The following NSD3 variants were observed in gnomAD, a reference collection of about 807,000 sequenced individuals.
NSD3 encodes the protein nuclear receptor binding SET domain protein 3, also known as histone-lysine N-methyltransferase NSD3.
NSD3 carries 24 observed loss-of-function variants against 160.8 expected under a neutral mutation model. The ratio of observed to expected loss-of-function variants is 0.15; its 90% CI spans 0.11 to 0.21. The LOEUF is 0.21. Among genes scored for constraint, NSD3 ranks in the 10% least tolerant of loss-of-function variants. NSD3 has a pLI of 1.00. For synonymous variants in NSD3, 520 were observed against 600.0 expected, an observed-to-expected ratio of 0.87 and a Z score of 1.95; for missense variants, 1,157 against 1,735.9, an observed-to-expected ratio of 0.67 and a Z score of 5.93.
At chr8:38,303,505 A>C (rs778157777) in intron 14 of NSD3, 14 of 508,740 alleles carry the variant, frequency 2.8e-5, no homozygotes, top group Non-Finnish European at 3.5e-5. Flanking sequence ...CCTGCTAGCT[A>C]CTCCACAAAG....
intron 12 of NSD3, among the ~76,000 whole-genome samples, chr8:38,313,988 A>G (rs1321921664): frequency 1.4e-5 from 2 of 143,732 alleles, no homozygotes. Context: ...CTCATAGCTA[A>G]AACAAAGCAA....
chr8:38,310,704 G>T (rs1444527600), intron 12 of NSD3, among the ~76,000 whole-genome samples: 3 of 151,176 alleles, frequency 2.0e-5, no homozygotes, highest in Middle Eastern at 3.4e-3. Context: ...TAGAAATGAG[G>T]TTTTACCATG....
At chr8:38,293,333 G>GCTGA in intron 16 of NSD3, among the ~76,000 whole-genome samples, 1 of 151,764 alleles carries the variant, frequency 6.6e-6, no homozygotes, top group East Asian at 2.0e-4. Flanking sequence ...CGGTGGATCA[G>GCTGA]GAAGTCAAGA....
intron 4 of NSD3, among the ~76,000 whole-genome samples, chr8:38,333,924 TTACTA>T (rs1012125427): frequency 6.6e-6 from 1 of 152,184 alleles, no homozygotes; most frequent in African/African-American, 2.4e-5. Context: ...AAACCAGTGA[TTACTA>T]TATATGATTA....
At chr8:38,320,938 C>T (rs1282051915) in intron 8 of NSD3, 134 bp downstream of exon 8, 1 of 738,204 alleles carries the variant, frequency 1.4e-6, no homozygotes, top group Non-Finnish European at 2.2e-6. Context: ...TGGAACCCAC[C>T]AGGACAGAAG....
At chr8:38,353,531 G>T (rs899000320) in intron 1 of NSD3, among the ~76,000 whole-genome samples, 1 of 152,194 alleles carries the variant, frequency 6.6e-6, no homozygotes, top group Non-Finnish European at 1.5e-5. Flanking sequence ...TCAGGCATAT[G>T]TATTCAGAGA....
chr8:38,278,129 G>A (rs529857774), intron 22 of NSD3, among the ~76,000 whole-genome samples, 177 bp downstream of exon 22: 8 of 151,980 alleles, frequency 5.3e-5, no homozygotes, highest in Non-Finnish European at 7.4e-5. Flanking sequence ...TAGTAGAGAT[G>A]GGGTTTCACC....
Position 38,354,567 on chromosome 8 carries a change from A to G in NSD3, c.-44-6352T>C, listed in dbSNP as rs1202841368. The stretch of plus-strand genomic sequence containing the variant: ...ATGCTGAAATATGTGATAAAGTGTC[A>G]TGGTATCTACAACTTTCAAATGGTT... On this transcript the variant is annotated intron_variant, in intron 1 of 23. Transcript: ENST00000317025. 2.6e-5 allele frequency among the ~76,000 whole-genome samples: 4 copies of G among 152,362 alleles called. No homozygotes were observed. The East Asian group carries it at 5.8e-4, about 22-fold the overall frequency.
intron 2 of NSD3, among the ~76,000 whole-genome samples, chr8:38,339,139 CAA>C (rs200100394): frequency 2.0e-5 from 2 of 98,376 alleles, no homozygotes; most frequent in African/African-American, 4.0e-5. Context: ...GACTCTGTCT[CAA>C]AAAAAAAAAA....
chr8:38,292,744 G>A (rs925926135), intron 16 of NSD3, among the ~76,000 whole-genome samples: 2 of 151,952 alleles, frequency 1.3e-5, no homozygotes, highest in African/African-American at 4.8e-5. Context: ...AGCCAAGATC[G>A]TGCCACTGTA....
intron 4 of NSD3, among the ~76,000 whole-genome samples, chr8:38,333,596 G>A (rs923569752): frequency 2.0e-5 from 3 of 152,162 alleles, no homozygotes; most frequent in Non-Finnish European, 2.9e-5. Flanking sequence ...GGCCGGGCGC[G>A]GTGGCTCACG....
Position 38,362,256 on chromosome 8 carries a change from CGGGGGGGGGG to C in NSD3, c.-44-14051_-44-14042del, listed in dbSNP as rs796989324. On this transcript the variant is annotated intron_variant, in intron 1 of 23. Transcript: ENST00000317025. ...AACAGAATAGAGTATTACAGTAAGG[CGGGGGGGGGG>C]GGGGGGGCACAAGATTGGATTAACA... 2.1e-3 allele frequency among the ~76,000 whole-genome samples: 6 copies of C among 2,910 alleles called. 2 individuals carry two copies. Among genetic ancestry groups the C allele is most frequent in the East Asian group, 0.017 (1 of 60 alleles). 1.9% of individuals were successfully genotyped at this position (2,910 alleles called of 152,430 possible).
chr8:38,296,674 C>CTGTGTGTG (rs57485296), intron 15 of NSD3, among the ~76,000 whole-genome samples: 244 of 142,282 alleles, frequency 1.7e-3, no homozygotes, highest in Middle Eastern at 3.4e-3. Flanking sequence ...CTCTCTCCCT[C>CTGTGTGTG]TGTGTGTGTG....
chr8:38,311,076 C>CT (rs34628829), intron 12 of NSD3, among the ~76,000 whole-genome samples: 69,447 of 132,768 alleles, frequency 0.52, 19,657 homozygotes, highest in South Asian at 0.68. Context: ...TCCCTGATTA[C>CT]TTTTTTTTTT....
chr8:38,369,897 C>T (rs1811200288), intron 1 of NSD3, among the ~76,000 whole-genome samples: 1 of 152,074 alleles, frequency 6.6e-6, no homozygotes, highest in Non-Finnish European at 1.5e-5. Context: ...TGGGTTCAAG[C>T]GACTCTCCTG....
At chr8:38,331,777 T>C (rs977491500) in intron 4 of NSD3, among the ~76,000 whole-genome samples, 192 bp from the exon 5 acceptor site, 11 of 152,190 alleles carry the variant, frequency 7.2e-5, no homozygotes, top group African/African-American at 1.7e-4. Flanking sequence ...CCACAAATAA[T>C]TGATTGCACC....
At chr8:38,346,090 C>T (rs1810515989) in intron 2 of NSD3, among the ~76,000 whole-genome samples, 3 of 151,104 alleles carry the variant, frequency 2.0e-5, no homozygotes, top group Admixed American at 2.0e-4. Context: ...ATCTCATTAC[C>T]CAGTTTTATT....
At chr8:38,327,372 T>A (rs1457460655) in intron 6 of NSD3, among the ~76,000 whole-genome samples, 1 of 151,976 alleles carries the variant, frequency 6.6e-6, no homozygotes, top group Non-Finnish European at 1.5e-5. Context: ...AATTTTTTTT[T>A]AAGATGGAAT....
At chr8:38,341,473 G>C (rs575575964) in intron 2 of NSD3, among the ~76,000 whole-genome samples, 99 of 151,992 alleles carry the variant, frequency 6.5e-4, no homozygotes, top group Non-Finnish European at 1.2e-3. Context: ...GGGAGGCAGA[G>C]GTTGCACTGA....
Sources: allele counts gnomAD v4.1 joint callset (sites outside exome capture counted in the v4.1 genomes callset), GRCh38; gene constraint gnomAD v4.1.1; transcripts MANE v1.5; gene names NCBI Gene and HGNC (gene_info 2026-07-23, HGNC 2026-07-21).